The following PALM2AKAP2 variants were observed in gnomAD, a reference collection of about 807,000 sequenced individuals.
PALM2AKAP2 encodes the protein PALM2-AKAP2 fusion protein.
A neutral mutation model predicts 71.5 loss-of-function variants in PALM2AKAP2; 37 were observed. The ratio of observed to expected loss-of-function variants is 0.52; its 90% CI spans 0.40 to 0.68. The LOEUF is 0.68. Ranked by LOEUF, PALM2AKAP2 falls within the 30% of genes least tolerant of loss-of-function variation. PALM2AKAP2 has a pLI of 0.00. For synonymous variants in PALM2AKAP2, 468 were observed against 478.8 expected, an observed-to-expected ratio of 0.98 and a Z score of 0.29; for missense variants, 1,224 against 1,191.8, an observed-to-expected ratio of 1.03 and a Z score of -0.40.
intron 1 of PALM2AKAP2, among the ~76,000 whole-genome samples, chr9:109,803,720 C>T (rs763190276): frequency 1.6e-4 from 25 of 152,172 alleles, no homozygotes; most frequent in Non-Finnish European, 2.9e-4. Flanking sequence ...GCACCATAGT[C>T]CCAATTCTCC....
chr9:109,808,616 A>G (rs10980055), intron 1 of PALM2AKAP2, among the ~76,000 whole-genome samples: 40,542 of 152,192 alleles, frequency 0.27, 6,620 homozygotes, highest in African/African-American at 0.44. Flanking sequence ...TTGCGATAGA[A>G]AAGAAAATCT....
intron 1 of PALM2AKAP2, among the ~76,000 whole-genome samples, chr9:109,789,807 G>A (rs1011888615): frequency 6.6e-6 from 1 of 152,172 alleles, no homozygotes; most frequent in Non-Finnish European, 1.5e-5. Context: ...GCGTGTTGGA[G>A]CTACAGTGCC....
intron 1 of PALM2AKAP2, among the ~76,000 whole-genome samples, chr9:109,858,722 G>C (rs1829234635): frequency 6.6e-6 from 1 of 152,202 alleles, no homozygotes; most frequent in Non-Finnish European, 1.5e-5. Context: ...TGTACAGAAA[G>C]TGCTGGATTT....
chr9:110,126,815 A>G (rs1835617138), intron 1 of PALM2AKAP2, among the ~76,000 whole-genome samples: 1 of 152,188 alleles, frequency 6.6e-6, no homozygotes, highest in South Asian at 2.1e-4. Flanking sequence ...CTGTAAATAT[A>G]TTCATCAAAT....
intron 1 of PALM2AKAP2, among the ~76,000 whole-genome samples, chr9:109,641,228 A>G (rs1399486297): frequency 1.6e-4 from 24 of 152,346 alleles, no homozygotes; most frequent in Admixed American, 9.8e-4. Context: ...TAACCATGTC[A>G]GCATTATTGG....
At chr9:109,675,189 T>C (rs2118501333) in intron 1 of PALM2AKAP2, among the ~76,000 whole-genome samples, 2 of 152,252 alleles carry the variant, frequency 1.3e-5, no homozygotes, top group Non-Finnish European at 2.9e-5. Context: ...GGAACTCTGA[T>C]GTAAGTAAAG....
chr9:109,799,661 T>G (rs1329625687), intron 1 of PALM2AKAP2, among the ~76,000 whole-genome samples: 1 of 151,976 alleles, frequency 6.6e-6, no homozygotes, highest in Non-Finnish European at 1.5e-5. Context: ...GCCTGGTTAA[T>G]TTTTTTGTAT....
intron 1 of PALM2AKAP2, among the ~76,000 whole-genome samples, chr9:109,703,537 C>CT (rs934666101): frequency 1.3e-5 from 2 of 151,720 alleles, no homozygotes; most frequent in African/African-American, 4.8e-5. Flanking sequence ...CAAGTATGTA[C>CT]TTTTTTCAAA....
At chr9:109,685,075 T>G (rs901552101) in intron 1 of PALM2AKAP2, among the ~76,000 whole-genome samples, 1 of 152,208 alleles carries the variant, frequency 6.6e-6, no homozygotes, top group Non-Finnish European at 1.5e-5. Flanking sequence ...GATCCATTTA[T>G]GTGCAATTCT....
chr9:109,958,699 GAGGA>G (rs1202414508), intron 6 of PALM2AKAP2, among the ~76,000 whole-genome samples: 1 of 151,308 alleles, frequency 6.6e-6, no homozygotes, highest in African/African-American at 2.5e-5. Context: ...AGAGGAAGGA[GAGGA>G]AGGAAGGAAG....
intron 1 of PALM2AKAP2, among the ~76,000 whole-genome samples, chr9:109,849,108 A>G (rs949018402): frequency 6.6e-6 from 1 of 152,040 alleles, no homozygotes; most frequent in African/African-American, 2.4e-5. Context: ...GTTAGAGAGA[A>G]AGAAAGAGGG....
intron 2 of PALM2AKAP2, among the ~76,000 whole-genome samples, chr9:109,876,200 A>G (rs1263230765): frequency 1.3e-5 from 2 of 152,128 alleles, no homozygotes; most frequent in Non-Finnish European, 2.9e-5. Flanking sequence ...ATTCTGAAAC[A>G]CTGAGGCAGC....
At chr9:109,780,436 A>G, upstream of PALM2AKAP2, 1 of 1,612,346 alleles carries the variant, frequency 6.2e-7, no homozygotes, top group Non-Finnish European at 8.5e-7. Context: ...TTGGGTGACT[A>G]CAGCGTGTGT....
intron 1 of PALM2AKAP2, among the ~76,000 whole-genome samples, chr9:109,760,904 C>T (rs1334014172): frequency 1.3e-5 from 2 of 152,026 alleles, no homozygotes; most frequent in Non-Finnish European, 2.9e-5. Flanking sequence ...CAAAGTAAAA[C>T]ACAAATGATT....
At chr9:109,951,546 G>A (rs1423815783) in intron 6 of PALM2AKAP2, among the ~76,000 whole-genome samples, 2 of 152,164 alleles carry the variant, frequency 1.3e-5, no homozygotes, top group Non-Finnish European at 2.9e-5. Flanking sequence ...GCCAGACCGT[G>A]TTGGGAGCAC....
chr9:110,100,546 G>A (rs915241585), intron 1 of PALM2AKAP2, among the ~76,000 whole-genome samples: 2 of 152,130 alleles, frequency 1.3e-5, no homozygotes, highest in African/African-American at 2.4e-5. Context: ...ACTGGAAATG[G>A]AAGGCTTAAC....
chr9:110,058,499 CTTTCCG>C (rs1040654767), intron 1 of PALM2AKAP2, among the ~76,000 whole-genome samples: 4 of 152,134 alleles, frequency 2.6e-5, no homozygotes, highest in African/African-American at 9.7e-5. Flanking sequence ...TTTGTCCTAC[CTTTCCG>C]TTCTCAAGCA....
At chr9:109,772,801 C>G (rs375419784) in intron 1 of PALM2AKAP2, among the ~76,000 whole-genome samples, 2 of 152,198 alleles carry the variant, frequency 1.3e-5, no homozygotes, top group Non-Finnish European at 2.9e-5. Context: ...TCCCGGTGCA[C>G]TGAGTCTACA....
intron 6 of PALM2AKAP2, among the ~76,000 whole-genome samples, chr9:110,014,825 T>TATATATATATATAC (rs1832950854): frequency 2.0e-5 from 2 of 97,796 alleles, no homozygotes; most frequent in African/African-American, 7.1e-5. Context: ...TATATATATA[T>TATATATATATATAC]ATATATATAT....
Sources: gnomAD v4.1 joint callset for allele counts (sites outside exome capture counted in the v4.1 genomes callset) on GRCh38, gnomAD v4.1.1 for gene constraint, MANE v1.5 for transcripts, NCBI Gene and HGNC (gene_info 2026-07-23, HGNC 2026-07-21) for gene names.